GUCY1A2: variants seen among roughly 807,000 people sequenced by gnomAD.
GUCY1A2 encodes the protein guanylate cyclase soluble subunit alpha-2.
GUCY1A2 carries 27 observed loss-of-function variants against 63.5 expected under a neutral mutation model. The observed-to-expected ratio is 0.43, with a 90% CI of 0.31 to 0.59. The LOEUF (loss-of-function observed/expected upper bound fraction) is 0.59. Ranked by LOEUF, GUCY1A2 falls within the 20% of genes least tolerant of loss-of-function variation. The pLI is 0.11. For synonymous variants in GUCY1A2, 364 were observed against 343.5 expected (o/e 1.06, Z -0.66); for missense variants, 768 against 913.3 (o/e 0.84, Z 2.05).
chr11:106,866,123 T>C (rs978046809), intron 4 of GUCY1A2, among the ~76,000 whole-genome samples: 1 of 151,924 alleles, frequency 6.6e-6, no homozygotes, highest in African/African-American at 2.4e-5. Flanking sequence ...CAAAAAGAAC[T>C]AGATCAGGAA....
At chr11:106,818,314 C>T (rs1858857459) in intron 4 of GUCY1A2, among the ~76,000 whole-genome samples, 1 of 152,128 alleles carries the variant, frequency 6.6e-6, no homozygotes, top group Admixed American at 6.6e-5. Flanking sequence ...CATAATATTT[C>T]AAGCTCTTTC....
chr11:106,881,837 T>C (rs555232303), intron 4 of GUCY1A2, among the ~76,000 whole-genome samples: 2 of 152,062 alleles, frequency 1.3e-5, no homozygotes, highest in Admixed American at 6.6e-5. Flanking sequence ...TTTTATAGGA[T>C]TTCTGAAATG....
chr11:106,909,242 C>T (rs780903332), intron 4 of GUCY1A2, among the ~76,000 whole-genome samples: 4 of 151,492 alleles, frequency 2.6e-5, no homozygotes, highest in Non-Finnish European at 5.9e-5. Flanking sequence ...ATCTTGGATG[C>T]CCTTTACTCA....
chr11:106,679,200 A>G lies in GUCY1A2; in HGVS notation c.*8349T>C, dbSNP rs1032321855. ...AGTTTCTGTTCTAAACAAACTCTAT[A>G]TGAATTAACCAGTTACATGTAAGTG... On this transcript the variant is annotated 3_prime_UTR_variant, in exon 8 of 8. Transcript: ENST00000526355. 14 of 186,664 alleles carry G rather than the reference A, an allele frequency of 7.5e-5. No homozygotes were observed. Among genetic ancestry groups the G allele is most frequent in the African/African-American group, 2.8e-4 (12 of 42,728 alleles). The allele number at this position is 186,664 out of a possible 1,614,324, so 11.6% of individuals were successfully genotyped here.
rs997210984 is a variant in GUCY1A2, at chr11:106,679,172, TAA to T, written c.*8375_*8376del. The T allele has an allele frequency of 5.4e-6, 1 of 186,208 alleles. No individual in the cohort carries two copies. Among genetic ancestry groups the T allele is most frequent in the African/African-American group, 2.3e-5 (1 of 42,708 alleles). The allele number at this position is 186,208 out of a possible 1,614,324, so 11.5% of individuals were successfully genotyped here. A position where few individuals can be genotyped will look rare whatever the true frequency, so the allele number is the denominator to read the frequency against. ...ATTGCTCAGGTTTGTTCCCTCCTTT[TAA>T]AGTTTCTGTTCTAAACAAACTCTAT... On this transcript the variant is annotated 3_prime_UTR_variant, in exon 8 of 8. Transcript: ENST00000526355.
rs1208599881 is a variant in GUCY1A2 at position 106,679,880 on chromosome 11, AG to A, written c.*7668del. Reference sequence around the variant, plus strand: ...TTGTAGCTCTGTAAGCTTCTATCCCAGCTTCACTGAGATGTGCAGCTGCCGA... The same window carrying A: ...TTGTAGCTCTGTAAGCTTCTATCCCACTTCACTGAGATGTGCAGCTGCCGA... On this transcript the variant is annotated 3_prime_UTR_variant, in exon 8 of 8. Transcript: ENST00000526355. The A allele has an allele frequency of 4.6e-6, 1 of 217,772 alleles. No homozygotes were observed. The highest frequency in any genetic ancestry group is 2.3e-5 in the African/African-American group (1 of 44,436). The allele number at this position is 217,772 out of a possible 1,614,324, so 13.5% of individuals were successfully genotyped here.
At chr11:106,991,796 AC>A (rs1861473572) in intron 1 of GUCY1A2, among the ~76,000 whole-genome samples, 1 of 152,212 alleles carries the variant, frequency 6.6e-6, no homozygotes, top group Admixed American at 6.5e-5. Context: ...CTTTAATCTC[AC>A]AGTAACCCAC....
At chr11:106,891,202 AT>A (rs1449274068) in intron 4 of GUCY1A2, among the ~76,000 whole-genome samples, 1 of 152,106 alleles carries the variant, frequency 6.6e-6, no homozygotes, top group Non-Finnish European at 1.5e-5. Context: ...TTTAATTTAC[AT>A]TTTTTGATAA....
chr11:106,835,328 G>T (rs1178328201), intron 4 of GUCY1A2, among the ~76,000 whole-genome samples: 1 of 151,566 alleles, frequency 6.6e-6, no homozygotes, highest in African/African-American at 2.4e-5. Flanking sequence ...TGCCACTAAA[G>T]AAAGTAAATA....
At chr11:106,707,992 A>C (rs1422330980) in intron 7 of GUCY1A2, among the ~76,000 whole-genome samples, 1 of 152,122 alleles carries the variant, frequency 6.6e-6, no homozygotes, top group African/African-American at 2.4e-5. Flanking sequence ...TGGGATGCTC[A>C]CCAGGTAATA....
At chr11:106,772,976 C>T (rs1029622954) in intron 6 of GUCY1A2, among the ~76,000 whole-genome samples, 4 of 152,082 alleles carry the variant, frequency 2.6e-5, no homozygotes, top group African/African-American at 9.7e-5. Context: ...TTTAATGCTC[C>T]ATATTTTCCC....
rs890380875 is a variant in GUCY1A2 at position 106,824,074 on chromosome 11, C to G, written c.1207-13596G>C. On this transcript the variant is annotated intron_variant, in intron 4 of 7. Transcript: ENST00000526355. ...TGCAGAGAAGACTACAGTTTTACAG[C>G]TTATGCTACCATTTCTTATTTGAAA... The G allele has an allele frequency of 6.7e-6, 10 of 1,493,812 alleles. No homozygotes were observed. The African/African-American group carries it at 1.4e-4, about 21-fold the overall frequency. 92.5% of individuals were successfully genotyped at this position (1,493,812 alleles called of 1,614,324 possible).
intron 5 of GUCY1A2, among the ~76,000 whole-genome samples, chr11:106,798,477 A>G (rs1864809232): frequency 6.6e-6 from 1 of 152,178 alleles, no homozygotes; most frequent in Admixed American, 6.6e-5. Context: ...AGAATTTTAG[A>G]CCAATATCCT....
At chr11:107,012,454 GA>G (rs1401433149) in intron 1 of GUCY1A2, among the ~76,000 whole-genome samples, 1 of 152,066 alleles carries the variant, frequency 6.6e-6, no homozygotes, top group Non-Finnish European at 1.5e-5. Flanking sequence ...GCTTTAAGAA[GA>G]ATATTCCTCC....
At chr11:106,822,537 A>C (rs1197432111) in intron 4 of GUCY1A2, among the ~76,000 whole-genome samples, 1 of 152,042 alleles carries the variant, frequency 6.6e-6, no homozygotes, top group East Asian at 1.9e-4. Context: ...CTCAAGCAGG[A>C]CCCAGTTTCT....
chr11:107,012,625 T>C lies in GUCY1A2; in HGVS notation c.303+5128A>G, dbSNP rs563518528. Among the ~76,000 whole-genome samples, 5 of 152,342 alleles carry C rather than the reference T, an allele frequency of 3.3e-5. No homozygotes were observed. The East Asian group carries it at 5.8e-4, about 18-fold the overall frequency. On this transcript the variant is annotated intron_variant, in intron 1 of 7. Transcript: ENST00000526355. Reference sequence around the variant, plus strand: ...CGAAATTTGTCAGACTCCAAAACTTTGTGCTTTCAACTCTGTCATGTTGTT... The same window carrying C: ...CGAAATTTGTCAGACTCCAAAACTTCGTGCTTTCAACTCTGTCATGTTGTT...
chr11:106,760,743 C>A (rs1864051979), intron 6 of GUCY1A2, among the ~76,000 whole-genome samples: 1 of 151,998 alleles, frequency 6.6e-6, no homozygotes, highest in Admixed American at 6.6e-5. Flanking sequence ...GTTTTTTCCT[C>A]CTTTTACAAG....
At chr11:106,997,660 C>CCTCTTCGT (rs1861558874) in intron 1 of GUCY1A2, among the ~76,000 whole-genome samples, 1 of 123,546 alleles carries the variant, frequency 8.1e-6, no homozygotes, top group African/African-American at 3.1e-5. Flanking sequence ...TAAGGTTAGA[C>CCTCTTCGT]CTCTTCGTGG....
Position 106,939,485 on chromosome 11 carries a change from G to C in GUCY1A2, c.1181C>G (p.Ala394Gly), listed in dbSNP as rs1247455533. 2 of 1,594,054 alleles carry C rather than the reference G, an allele frequency of 1.3e-6. No homozygotes were observed. The highest frequency in any genetic ancestry group is 3.4e-5 in the Admixed American group (2 of 59,606). Residue 394 changes from alanine (A) to glycine (G), a missense_variant, in exon 4 of 8, where the codon GCT (alanine) becomes GGT (glycine). Coordinates refer to ENST00000526355, the MANE Select transcript of GUCY1A2 (RefSeq NM_000855.3). Reference sequence around the variant, plus strand: ...CTTGTCTTTATTTTCAGAGCCAGAAGCCTCAGGCTTGGTTCTAATCACAAA... The same window carrying C: ...CTTGTCTTTATTTTCAGAGCCAGAACCCTCAGGCTTGGTTCTAATCACAAA... The part of the protein sequence containing the change: ...TPFVIRTKPE[A>G]SGSENKDKVM...
Sources: allele counts gnomAD v4.1 joint callset (sites outside exome capture counted in the v4.1 genomes callset), GRCh38; gene constraint gnomAD v4.1.1; transcripts MANE v1.5; gene names NCBI Gene and HGNC (gene_info 2026-07-23, HGNC 2026-07-21).